Variants in MRAP observed in about 807,000 individuals in gnomAD.
MRAP encodes the protein melanocortin-2 receptor accessory protein.
In MRAP, 8 loss-of-function variants were observed where a neutral mutation model predicts 8.7. The ratio of observed to expected loss-of-function variants is 0.92; its 90% CI spans 0.54 to 1.66. MRAP has a LOEUF of 1.66. Ranked by LOEUF, MRAP falls within the 40% of genes most tolerant of loss-of-function variation. MRAP has a pLI of 0.00. For synonymous variants in MRAP, 95 were observed against 95.5 expected, an observed-to-expected ratio of 1.00 and a Z score of 0.03; for missense variants, 237 against 217.1, an observed-to-expected ratio of 1.09 and a Z score of -0.58.
rs2032585863 is a variant in MRAP at position 32,311,873 on chromosome 21, C to T, written c.396C>T (p.Pro132=). The T allele has an allele frequency of 1.2e-6, 2 of 1,613,990 alleles. No individual in the cohort carries two copies. The highest frequency in any genetic ancestry group is 1.7e-6 in the Non-Finnish European group (2 of 1,180,042). Residue 132 remains proline (P), a synonymous_variant, in exon 3 of 3, where the codon CCC becomes CCT. Transcript: ENST00000303645. The stretch of plus-strand genomic sequence containing the variant: ...GACAGGAGAGCTCCTCCACCTTGCC[C>T]CTCGGGGGTTTCCAGACCCACCCCA... ...PLRQESSSTL[P]LGGFQTHPTL...
chr21:32,300,296 G>A (rs552596428), intron 1 of MRAP, among the ~76,000 whole-genome samples: 8 of 152,344 alleles, frequency 5.3e-5, no homozygotes, highest in South Asian at 2.1e-4. Context: ...TTGGGATTAC[G>A]TCGTATGTCA....
At chr21:32,314,349 T>C, downstream of MRAP, 1 of 489,522 alleles carries the variant, frequency 2.0e-6, no homozygotes, top group Admixed American at 3.0e-5. Context: ...CATGCCTGGC[T>C]AATTTTTGTA....
chr21:32,312,305 A>T (rs2032602115), downstream of MRAP: 3 of 1,314,474 alleles, frequency 2.3e-6, no homozygotes, highest in African/African-American at 4.5e-5. Context: ...TTTGCTTACT[A>T]ATCTTTACTA....
rs1279935163 is a variant in MRAP, at chr21:32,311,842, C to G, written c.365C>G (p.Pro122Arg). The G allele has an allele frequency of 1.2e-6, 2 of 1,614,144 alleles. No homozygotes were observed. Among genetic ancestry groups the G allele is most frequent in the African/African-American group, 1.3e-5 (1 of 75,050 alleles). ...GGGAGCAGAACTGGCCCTGACCAGC[C>G]GCTACGACAGGAGAGCTCCTCCACC... ...EPGSRTGPDQ[P>R]LRQESSSTLP... is the part of the protein sequence containing the mutation. Residue 122 changes from proline (P) to arginine (R), a missense_variant, in exon 3 of 3, where the codon CCG (proline) becomes CGG (arginine). Physicochemically the swap from Pro to Arg is moderately radical, Grantham distance 103. Coordinates refer to ENST00000303645, the MANE Select transcript of MRAP (RefSeq NM_001379228.1).
chr21:32,298,848 G>GACT, upstream of MRAP: 1 of 730,200 alleles, frequency 1.4e-6, no homozygotes, highest in Non-Finnish European at 2.5e-6. Context: ...CTTGAGCCTA[G>GACT]AGACCCACAG....
chr21:32,314,541 G>C (rs534535052), downstream of MRAP: 5 of 1,610,544 alleles, frequency 3.1e-6, no homozygotes, highest in Non-Finnish European at 4.2e-6. Context: ...GATACCTTTT[G>C]ACATTTCAGC....
chr21:32,305,519 A>G (rs1193714625), intron 1 of MRAP, among the ~76,000 whole-genome samples: 1 of 152,220 alleles, frequency 6.6e-6, no homozygotes, highest in East Asian at 1.9e-4. Context: ...GAAGCACTGC[A>G]GAAGTTCAGA....
At chr21:32,309,763 C>T (rs916468199) in intron 2 of MRAP, among the ~76,000 whole-genome samples, 3 of 149,050 alleles carry the variant, frequency 2.0e-5, no homozygotes, top group Non-Finnish European at 3.0e-5. Context: ...GCCAGCTTGG[C>T]GAAACCCTGT....
chr21:32,303,998 C>T (rs1199406023), intron 1 of MRAP, among the ~76,000 whole-genome samples: 2 of 152,082 alleles, frequency 1.3e-5, no homozygotes, highest in Non-Finnish European at 2.9e-5. Flanking sequence ...CTGGGGATGA[C>T]GATAAGGACT....
intron 1 of MRAP, among the ~76,000 whole-genome samples, chr21:32,305,596 G>A (rs2032395767): frequency 6.6e-6 from 1 of 152,186 alleles, no homozygotes; most frequent in African/African-American, 2.4e-5. Context: ...TAATGTGCTG[G>A]TTTAGCCCCC....
upstream of MRAP, chr21:32,298,739 C>T: frequency 2.1e-6 from 1 of 484,958 alleles, no homozygotes; most frequent in Non-Finnish European, 3.8e-6. Flanking sequence ...GGAGTTTTAT[C>T]AAGAAGGGGC....
chr21:32,302,883 C>T (rs778976612), intron 1 of MRAP, among the ~76,000 whole-genome samples: 29 of 151,990 alleles, frequency 1.9e-4, no homozygotes, highest in Non-Finnish European at 3.4e-4. Context: ...TTAACTCAGG[C>T]AGCCAAGTGT....
intron 1 of MRAP, among the ~76,000 whole-genome samples, chr21:32,300,939 T>C (rs1047350461): frequency 2.0e-5 from 3 of 151,628 alleles, no homozygotes; most frequent in Non-Finnish European, 4.4e-5. Flanking sequence ...ATCGTGTATG[T>C]CATATCAATG....
In MRAP at chr21:32,299,004, C is replaced by T. The variant is rs1199986419; in HGVS notation, c.33C>T (p.Tyr11=). ...ACGGGACCAACGCCTCTGCCCCATA[C>T]TACAGCTATGAATACTACCTGGACT... MANGTNASAP[Y]YSYEYYLDYL... is the part of the protein sequence containing the mutation. The change falls in exon 1 of 3, where the codon TAC becomes TAT. Residue 11 remains tyrosine, a synonymous_variant. Coordinates refer to ENST00000303645, the MANE Select transcript of MRAP (RefSeq NM_001379228.1). 5.0e-6 allele frequency: 8 copies of T among 1,614,096 alleles called. No homozygotes were observed. The highest frequency in any genetic ancestry group is 1.1e-5 in the South Asian group (1 of 91,092).
At chr21:32,297,733 C>T (rs144139870), upstream of MRAP, among the ~76,000 whole-genome samples, 50 of 152,278 alleles carry the variant, frequency 3.3e-4, no homozygotes, top group East Asian at 8.1e-3. Context: ...ACAAGTCTGG[C>T]GTCAGAAATG....
At chr21:32,310,776 A>G (rs1226691077) in intron 2 of MRAP, among the ~76,000 whole-genome samples, 2 of 151,416 alleles carry the variant, frequency 1.3e-5, no homozygotes, top group East Asian at 3.9e-4. Flanking sequence ...CCTCCTGAGT[A>G]GCTGGGATTA....
At chr21:32,297,003 G>T (rs1395285399), upstream of MRAP, among the ~76,000 whole-genome samples, 1 of 152,232 alleles carries the variant, frequency 6.6e-6, no homozygotes, top group Non-Finnish European at 1.5e-5. Context: ...CTAGTGATAG[G>T]AATTTTTCAG....
At position 32,300,956 on chromosome 21, in the gene MRAP, CAT is replaced by C. The variant is rs200516581; in HGVS notation, c.106+1880_106+1881del. ...CGTGTATGTCATATCAATGATATAT[CAT>C]GATTTCAAAGATGTATCATATTTCA... On this transcript the variant is annotated intron_variant, in intron 1 of 2. Transcript: ENST00000303645. 8.0e-3 allele frequency among the ~76,000 whole-genome samples: 1,187 copies of C among 148,212 alleles called. 11 individuals are homozygous for C. The highest frequency in any genetic ancestry group is 0.029 in the African/African-American group (1,103 of 38,348).
intron 1 of MRAP, among the ~76,000 whole-genome samples, chr21:32,300,554 T>C (rs978803203): frequency 6.8e-6 from 1 of 147,594 alleles, no homozygotes; most frequent in South Asian, 2.3e-4. Context: ...TCACGTGTCC[T>C]ATGTCAGATG....
Sources: gnomAD v4.1 joint callset for allele counts (sites outside exome capture counted in the v4.1 genomes callset) on GRCh38, gnomAD v4.1.1 for gene constraint, MANE v1.5 for transcripts, NCBI Gene and HGNC (gene_info 2026-07-23, HGNC 2026-07-21) for gene names.